The following EPHA4 variants were observed in gnomAD, a reference collection of about 807,000 sequenced individuals.
EPHA4 encodes the protein EPH receptor A4.
In EPHA4, 19 loss-of-function variants were observed where a neutral mutation model predicts 108.3. The ratio of observed to expected loss-of-function variants is 0.18; its 90% CI spans 0.12 to 0.26. EPHA4 has a LOEUF of 0.26. EPHA4 is among the 10% of genes least tolerant of loss of function. EPHA4 has a pLI of 1.00. For synonymous variants in EPHA4, 449 were observed against 455.5 expected (o/e 0.99, Z 0.18); for missense variants, 917 against 1,254.0 (o/e 0.73, Z 4.06).
chr2:221,564,301 G>C lies in EPHA4; in HGVS notation c.253C>G (p.Arg85Gly), dbSNP rs374795790. 6.2e-7 allele frequency: 1 copy of C among 1,613,946 alleles called. No homozygotes were observed. Among genetic ancestry groups the C allele is most frequent in the African/African-American group, 1.3e-5 (1 of 74,900 alleles). The change falls in exon 3 of 18, where the codon CGA (arginine) becomes GGA (glycine). Residue 85 changes from arginine (R) to glycine (G), a missense_variant. By Grantham distance (125) the Arg-to-Gly change is moderately radical. Around this residue, in one of 3 missense-constraint regions of EPHA4, gnomAD observed 758 missense variants for 1,076.7 expected, o/e 0.70. Transcript: ENST00000281821. ...VMEPSQNNWL[R>G]TDWITREGAQ... ...CCTTCTCGGGTGATCCAATCAGTTC[G>C]TAGCCAGTTATTCTGGCTGGGTTCC...
intron 3 of EPHA4, among the ~76,000 whole-genome samples, chr2:221,531,719 C>G (rs1046767065): frequency 3.3e-5 from 3 of 90,370 alleles, no homozygotes; most frequent in African/African-American, 1.2e-4. Flanking sequence ...ATCTGTCTCA[C>G]ACATACATTC....
intron 11 of EPHA4, 45 bp from the exon 12 acceptor site, chr2:221,437,167 C>A: frequency 7.1e-7 from 1 of 1,413,130 alleles, no homozygotes; most frequent in Non-Finnish European, 1.0e-6. Context: ...ATGAGCGCTG[C>A]ACTTAATGAG....
chr2:221,563,689 C>A, intron 3 of EPHA4, 42 bp downstream of exon 3: 1 of 1,596,538 alleles, frequency 6.3e-7, no homozygotes, highest in Non-Finnish European at 8.5e-7. Context: ...TAATTACTCG[C>A]ACTAAGCCCC....
intron 8 of EPHA4, among the ~76,000 whole-genome samples, chr2:221,452,566 C>T (rs1242444805): frequency 6.6e-6 from 1 of 152,232 alleles, no homozygotes; most frequent in Admixed American, 6.5e-5. Flanking sequence ...AGCTACCTGG[C>T]TCCGGGCGGC....
Position 221,500,970 on chromosome 2 carries a change from TGAAAGCTGTTGGCATCACAGGAATGAGA to T in EPHA4, c.979+19_979+46del. The T allele has an allele frequency of 1.3e-6, 2 of 1,495,646 alleles. No homozygotes were observed. Among genetic ancestry groups the T allele is most frequent in the Non-Finnish European group, 1.8e-6 (2 of 1,119,838 alleles). The allele number at this position is 1,495,646 out of a possible 1,614,324, so 92.6% of individuals were successfully genotyped here. On this transcript the variant is annotated intron_variant, in intron 4 of 17. Transcript: ENST00000281821. ...CTGGCAGTGCCTTGCTAGGTGGTAA[TGAAAGCTGTTGGCATCACAGGAATGAGA>T]GACAAGCATACAACTTACGGGTGCA...
chr2:221,511,311 T>C (rs192867873), intron 3 of EPHA4, among the ~76,000 whole-genome samples: 2 of 152,298 alleles, frequency 1.3e-5, no homozygotes, highest in East Asian at 3.9e-4. Context: ...GTAGACAAAA[T>C]TGACAATCTA....
At chr2:221,487,035 C>A (rs1176944953) in intron 4 of EPHA4, among the ~76,000 whole-genome samples, 4 of 151,954 alleles carry the variant, frequency 2.6e-5, no homozygotes, top group Non-Finnish European at 5.9e-5. Flanking sequence ...TCAATTGCCT[C>A]TTTTTTTCAT....
chr2:221,438,757 C>T (rs575366827), intron 11 of EPHA4, among the ~76,000 whole-genome samples: 1 of 151,996 alleles, frequency 6.6e-6, no homozygotes, highest in East Asian at 1.9e-4. Flanking sequence ...TGCACTGAAG[C>T]CTGGGTGACA....
intron 9 of EPHA4, among the ~76,000 whole-genome samples, chr2:221,445,406 G>A (rs909000529): frequency 7.2e-5 from 11 of 151,838 alleles, no homozygotes; most frequent in African/African-American, 2.2e-4. Flanking sequence ...TGGCTAACAC[G>A]GTGAAATCCC....
intron 11 of EPHA4, among the ~76,000 whole-genome samples, chr2:221,440,365 G>T (rs1183900950): frequency 6.6e-6 from 1 of 152,106 alleles, no homozygotes; most frequent in South Asian, 2.1e-4. Context: ...CACTGTCTGC[G>T]ACAGGAAAAA....
rs144681906 is a variant in EPHA4, at chr2:221,552,404, C to A, written c.823+11327G>T. 9.9e-5 allele frequency among the ~76,000 whole-genome samples: 15 copies of A among 152,278 alleles called. No individual in the cohort carries two copies. The East Asian group carries it at 2.9e-3, about 29-fold the overall frequency. ...TTCAAATGGCCAGCGGAGAAGCGATCTGGGCACTAGATCAAGCTGTCAATG... is the reference window on the plus strand; with the variant it reads ...TTCAAATGGCCAGCGGAGAAGCGATATGGGCACTAGATCAAGCTGTCAATG... On this transcript the variant is annotated intron_variant, in intron 3 of 17. Transcript: ENST00000281821.
chr2:221,479,365 G>T (rs1365761564), intron 5 of EPHA4, among the ~76,000 whole-genome samples: 1 of 152,100 alleles, frequency 6.6e-6, no homozygotes, highest in East Asian at 1.9e-4. Flanking sequence ...TTGCGTGATT[G>T]ATTTGATTTA....
chr2:221,455,167 G>A (rs1690905623), intron 8 of EPHA4, among the ~76,000 whole-genome samples: 2 of 152,184 alleles, frequency 1.3e-5, no homozygotes, highest in Non-Finnish European at 2.9e-5. Flanking sequence ...TGTAGTAGTA[G>A]CTGGCAAATG....
At chr2:221,431,257 A>G (rs768443647) in intron 14 of EPHA4, among the ~76,000 whole-genome samples, 2 of 152,170 alleles carry the variant, frequency 1.3e-5, no homozygotes, top group African/African-American at 4.8e-5. Context: ...TTTTCTTTCT[A>G]TCAACATGAT....
At chr2:221,468,942 T>C (rs72963147) in intron 5 of EPHA4, among the ~76,000 whole-genome samples, 4 of 152,382 alleles carry the variant, frequency 2.6e-5, no homozygotes, top group Non-Finnish European at 5.9e-5. Context: ...TGCCACTTGC[T>C]ATAGGGAAAT....
chr2:221,447,147 A>G (rs959444873), intron 8 of EPHA4, among the ~76,000 whole-genome samples: 1 of 152,202 alleles, frequency 6.6e-6, no homozygotes, highest in Non-Finnish European at 1.5e-5. Flanking sequence ...CGTTGATATC[A>G]CAGCTGTCTA....
At chr2:221,455,481 G>GAC in intron 8 of EPHA4, 66 bp downstream of exon 8, 1 of 1,252,054 alleles carries the variant, frequency 8.0e-7, no homozygotes, top group Non-Finnish European at 1.2e-6. Context: ...TTGTGTGGAA[G>GAC]AGAAAAAAAC....
intron 15 of EPHA4, among the ~76,000 whole-genome samples, chr2:221,427,520 T>G (rs1689947672): frequency 6.6e-6 from 1 of 152,194 alleles, no homozygotes; most frequent in Non-Finnish European, 1.5e-5. Flanking sequence ...TGAATAACCA[T>G]AGAGCAGGCC....
At chr2:221,565,522 G>T (rs1694605392) in intron 2 of EPHA4, among the ~76,000 whole-genome samples, 2 of 152,218 alleles carry the variant, frequency 1.3e-5, no homozygotes, top group South Asian at 4.1e-4. Flanking sequence ...ATTGTATTCT[G>T]TAATAGCTCC....
Sources: gnomAD v4.1 joint callset for allele counts (sites outside exome capture counted in the v4.1 genomes callset) on GRCh38, gnomAD v4.1.1 for gene constraint, gnomAD v4.1.1 regional missense constraint, MANE v1.5 for transcripts, NCBI Gene and HGNC (gene_info 2026-07-23, HGNC 2026-07-21) for gene names.